Variants in PCDH7 observed in about 807,000 individuals in gnomAD.
PCDH7 encodes protocadherin 7.
A neutral mutation model predicts 58.9 loss-of-function variants in PCDH7; 17 were observed. That is an observed-to-expected ratio of 0.29 (90% CI 0.20 to 0.43). The LOEUF is 0.43. Ranked by LOEUF, PCDH7 falls within the 20% of genes least tolerant of loss-of-function variation. The probability of loss-of-function intolerance (pLI) is 1.00; values close to 1 mark genes in which losing one functional copy is unlikely to be tolerated. For missense variants in PCDH7, 1,274 were observed against 1,441.0 expected (o/e 0.88, Z 1.88); for synonymous variants, 664 against 616.4 (o/e 1.08, Z -1.14).
chr4:31,108,618 C>G (rs1422934389), intron 3 of PCDH7, among the ~76,000 whole-genome samples: 1 of 152,106 alleles, frequency 6.6e-6, no homozygotes, highest in Non-Finnish European at 1.5e-5. Flanking sequence ...AGGCTCACAG[C>G]TGCTATTTTT....
Position 30,745,394 on chromosome 4 carries a change from C to T in PCDH7, c.70+20798C>T, listed in dbSNP as rs550173369. Among the ~76,000 whole-genome samples the T allele has an allele frequency of 4.6e-5, 7 of 151,926 alleles. No individual in the cohort carries two copies. In the South Asian group the frequency reaches 1.0e-3, roughly 23 times the overall value. On this transcript the variant is annotated intron_variant, in intron 1 of 3. Transcript: ENST00000509759. ...TAGTGCTCTCCTTTTCACTGGAGCA[C>T]TTATCATGTGTCCTATTAACACTGG...
At chr4:30,832,275 C>G (rs1397925338) in intron 1 of PCDH7, among the ~76,000 whole-genome samples, 4 of 152,174 alleles carry the variant, frequency 2.6e-5, no homozygotes, top group African/African-American at 9.6e-5. Context: ...TCACATGCAG[C>G]AGGAATGGTG....
chr4:30,938,283 C>T (rs1478435831), intron 2 of PCDH7, among the ~76,000 whole-genome samples: 1 of 152,084 alleles, frequency 6.6e-6, no homozygotes, highest in Non-Finnish European at 1.5e-5. Flanking sequence ...CTTCATTTAG[C>T]TAGTCTCCTT....
At chr4:30,835,292 G>A (rs183553571) in intron 1 of PCDH7, among the ~76,000 whole-genome samples, 1 of 152,266 alleles carries the variant, frequency 6.6e-6, no homozygotes, top group Admixed American at 6.5e-5. Context: ...GGTGAGCACA[G>A]GCAAGCGAGC....
At chr4:30,738,987 C>T (rs550130495) in intron 1 of PCDH7, among the ~76,000 whole-genome samples, 55 of 151,708 alleles carry the variant, frequency 3.6e-4, no homozygotes, top group African/African-American at 1.3e-3. Flanking sequence ...ATGCAATACA[C>T]GTTTTATCAT....
intron 1 of PCDH7, among the ~76,000 whole-genome samples, chr4:30,740,834 C>T (rs1031894414): frequency 1.3e-5 from 2 of 151,734 alleles, no homozygotes; most frequent in Non-Finnish European, 2.9e-5. Flanking sequence ...TAAAAAATAT[C>T]ATTTTACTTC....
At chr4:30,830,824 T>C (rs1379523189) in intron 1 of PCDH7, among the ~76,000 whole-genome samples, 1 of 152,142 alleles carries the variant, frequency 6.6e-6, no homozygotes, top group Non-Finnish European at 1.5e-5. Flanking sequence ...TTATGTATCA[T>C]AATGTTAAAC....
Position 30,995,434 on chromosome 4 carries a change from C to T in PCDH7, c.*7+45219C>T, listed in dbSNP as rs575143660. Among the ~76,000 whole-genome samples, 10 of 152,056 alleles carry T rather than the reference C, an allele frequency of 6.6e-5. 1 individual carries two copies. The highest frequency in any genetic ancestry group is 1.2e-4 in the Non-Finnish European group (8 of 67,994). On this transcript the variant is annotated intron_variant, in intron 3 of 3. Coordinates refer to the PCDH7 transcript ENST00000509759. The stretch of plus-strand genomic sequence containing the variant: ...GGCTCACGCAGGAGACTGGTGTGAA[C>T]CCGAGAGGTGGAGCTTGCAGTGAGT...
intron 1 of PCDH7, among the ~76,000 whole-genome samples, chr4:30,904,592 C>T (rs901740582): frequency 1.3e-5 from 2 of 152,150 alleles, no homozygotes; most frequent in South Asian, 4.1e-4. Flanking sequence ...AGACTTGGAC[C>T]TTGTTGGGAG....
chr4:31,076,258 T>G (rs1316282597), intron 3 of PCDH7, among the ~76,000 whole-genome samples: 2 of 152,194 alleles, frequency 1.3e-5, no homozygotes, highest in African/African-American at 4.8e-5. Context: ...ATGTATTAGA[T>G]TCTGCATCCA....
chr4:30,801,063 T>G (rs1054743900), intron 1 of PCDH7, among the ~76,000 whole-genome samples: 1 of 152,178 alleles, frequency 6.6e-6, no homozygotes, highest in Non-Finnish European at 1.5e-5. Context: ...TATGTGATTT[T>G]GATGCCATGC....
chr4:31,143,125 AC>A (rs11327082), downstream of PCDH7: 35,136 of 155,560 alleles, frequency 0.23, 4,726 homozygotes, highest in African/African-American at 0.32. Flanking sequence ...AAAAAAAAAA[AC>A]AAAAAGAAAA....
At chr4:30,773,158 C>T (rs1577735251) in intron 1 of PCDH7, among the ~76,000 whole-genome samples, 1 of 152,340 alleles carries the variant, frequency 6.6e-6, no homozygotes, top group South Asian at 2.1e-4. Flanking sequence ...CCACCTTGGC[C>T]TCCCAAAATG....
chr4:30,899,845 G>A (rs1450759270), intron 1 of PCDH7, among the ~76,000 whole-genome samples: 10 of 151,960 alleles, frequency 6.6e-5, no homozygotes, highest in Non-Finnish European at 2.9e-5. Flanking sequence ...CCTGATAAGG[G>A]GTGGACCTGA....
At chr4:31,044,920 A>G (rs1756162294) in intron 3 of PCDH7, among the ~76,000 whole-genome samples, 1 of 151,978 alleles carries the variant, frequency 6.6e-6, no homozygotes, top group African/African-American at 2.4e-5. Context: ...TGACTTTTGG[A>G]CCCTGACTTC....
chr4:30,861,579 A>G (rs1734207659), intron 1 of PCDH7, among the ~76,000 whole-genome samples: 1 of 152,162 alleles, frequency 6.6e-6, no homozygotes, highest in African/African-American at 2.4e-5. Flanking sequence ...CTGAAGTTCT[A>G]AAATTTATGA....
At chr4:31,105,252 T>G (rs1384537807) in intron 3 of PCDH7, among the ~76,000 whole-genome samples, 1 of 152,112 alleles carries the variant, frequency 6.6e-6, no homozygotes, top group African/African-American at 2.4e-5. Context: ...TAAAATAACA[T>G]TATGAGTTTT....
intron 3 of PCDH7, among the ~76,000 whole-genome samples, chr4:31,063,625 G>A (rs1022908468): frequency 1.3e-5 from 2 of 151,854 alleles, no homozygotes; most frequent in Admixed American, 6.6e-5. Flanking sequence ...AAGTAGCAAT[G>A]CTGTCAGTCA....
chr4:30,897,782 G>T (rs1739642340), intron 1 of PCDH7, among the ~76,000 whole-genome samples: 1 of 152,138 alleles, frequency 6.6e-6, no homozygotes, highest in Non-Finnish European at 1.5e-5. Context: ...CAATGAAATA[G>T]GTTGTACTTT....
Sources: allele counts gnomAD v4.1 joint callset (sites outside exome capture counted in the v4.1 genomes callset), GRCh38; gene constraint gnomAD v4.1.1; transcripts MANE v1.5; gene names NCBI Gene and HGNC (gene_info 2026-07-23, HGNC 2026-07-21).